TBC1D9: variants seen among roughly 807,000 people sequenced by gnomAD.
The protein encoded by TBC1D9 is TBC1 domain family member 9, also known as TBC1 domain family member 9A.
A neutral mutation model predicts 132.0 loss-of-function variants in TBC1D9; 63 were observed. The ratio of observed to expected loss-of-function variants is 0.48; its 90% CI spans 0.39 to 0.59. TBC1D9 has a LOEUF of 0.59. Ranked by LOEUF, TBC1D9 falls within the 20% of genes least tolerant of loss-of-function variation. The probability of loss-of-function intolerance (pLI) is 0.00; values close to 1 mark genes in which losing one functional copy is unlikely to be tolerated. For synonymous variants in TBC1D9, 610 were observed against 609.9 expected (o/e 1.00, Z 0.00); for missense variants, 1,261 against 1,592.7 (o/e 0.79, Z 3.54).
chr4:140,664,705 CA>C (rs35410874), intron 9 of TBC1D9, among the ~76,000 whole-genome samples: 2,281 of 152,220 alleles, frequency 0.015, 55 homozygotes, highest in African/African-American at 0.052. Flanking sequence ...GGTGCTAAGA[CA>C]ATTCACTGGG....
intron 13 of TBC1D9, chr4:140,643,475 G>T: frequency 1.1e-6 from 1 of 891,884 alleles, no homozygotes. Context: ...AGCAGGTGCT[G>T]CCGGGCACAG....
chr4:140,680,679 C>A (rs1224412989), intron 3 of TBC1D9, among the ~76,000 whole-genome samples: 1 of 152,090 alleles, frequency 6.6e-6, no homozygotes, highest in Non-Finnish European at 1.5e-5. Context: ...GTCTTAGATT[C>A]GTGCTCCCAC....
At chr4:140,689,168 G>T (rs1202736914) in intron 2 of TBC1D9, among the ~76,000 whole-genome samples, 1 of 152,138 alleles carries the variant, frequency 6.6e-6, no homozygotes, top group Non-Finnish European at 1.5e-5. Flanking sequence ...ATTGATCACA[G>T]ATATGCCTTG....
intron 15 of TBC1D9, among the ~76,000 whole-genome samples, chr4:140,635,172 G>A (rs983843337): frequency 6.6e-6 from 1 of 151,864 alleles, no homozygotes; most frequent in Non-Finnish European, 1.5e-5. Flanking sequence ...GAATAAATAT[G>A]GTAATAGAAA....
In TBC1D9 at chr4:140,692,015, G is replaced by A. The variant is rs181723552; in HGVS notation, c.242-5553C>T. 3.9e-5 allele frequency among the ~76,000 whole-genome samples: 6 copies of A among 152,274 alleles called. No individual in the cohort carries two copies. The East Asian group carries it at 1.2e-3, about 29-fold the overall frequency. Reference sequence around the variant, plus strand: ...GGCAGATATTTCTTTTGTGATGCATGATTCATAATAAATTTTTTTCTTCCT... The same window carrying A: ...GGCAGATATTTCTTTTGTGATGCATAATTCATAATAAATTTTTTTCTTCCT... On this transcript the variant is annotated intron_variant, in intron 2 of 20. Transcript: ENST00000442267.
At chr4:140,630,135 T>C (rs1736769345) in intron 16 of TBC1D9, among the ~76,000 whole-genome samples, 3 of 152,206 alleles carry the variant, frequency 2.0e-5, no homozygotes, top group Non-Finnish European at 4.4e-5. Context: ...CAATTATTTC[T>C]TTAAAAGTAG....
At chr4:140,740,018 G>C (rs573664872) in intron 1 of TBC1D9, among the ~76,000 whole-genome samples, 1 of 152,168 alleles carries the variant, frequency 6.6e-6, no homozygotes, top group Non-Finnish European at 1.5e-5. Context: ...GAGCTGAAAA[G>C]GTAGGAGTGG....
chr4:140,655,932 C>T lies in TBC1D9; in HGVS notation c.2337+1165G>A, dbSNP rs539473562. ...TCAGCCTCCCCATCCCTACTCTCAA[C>T]AGCCCCTACTTAATCTACAAAGAGT... On this transcript the variant is annotated intron_variant, in intron 13 of 20. Transcript: ENST00000442267. Among the ~76,000 whole-genome samples, 33 of 152,298 alleles carry T rather than the reference C, an allele frequency of 2.2e-4. No individual in the cohort carries two copies. In the South Asian group the frequency reaches 6.8e-3, roughly 32 times the overall value.
chr4:140,756,115 G>T lies in TBC1D9; in HGVS notation c.-70C>A. 1 of 1,408,592 alleles carries T rather than the reference G, an allele frequency of 7.1e-7. No homozygotes were observed. Among genetic ancestry groups the T allele is most frequent in the Non-Finnish European group, 9.5e-7 (1 of 1,051,130 alleles). 87.3% of individuals were successfully genotyped at this position (1,408,592 alleles called of 1,614,324 possible). On this transcript the variant is annotated 5_prime_UTR_variant, in exon 1 of 21. Coordinates refer to ENST00000442267, the MANE Select transcript of TBC1D9 (RefSeq NM_015130.3). The surrounding 1 kb of genome is among the most constrained non-coding windows in gnomAD (Gnocchi z 5.6). ...AGTCCTGCACCCACCACCGCGACAG[G>T]CGCGCACTCCTGGGCACACGCGCGC...
chr4:140,755,601 A>G (rs1258218423), intron 1 of TBC1D9, among the ~76,000 whole-genome samples: 7 of 152,100 alleles, frequency 4.6e-5, no homozygotes, highest in African/African-American at 1.7e-4. Context: ...GGGGGAGGGG[A>G]AGGGAATGAT....
At chr4:140,744,079 C>A (rs890106121) in intron 1 of TBC1D9, among the ~76,000 whole-genome samples, 1 of 152,072 alleles carries the variant, frequency 6.6e-6, no homozygotes, top group South Asian at 2.1e-4. Context: ...CAATGGAATT[C>A]TGTGAACAAA....
chr4:140,738,607 T>C (rs143729051), intron 1 of TBC1D9, among the ~76,000 whole-genome samples: 8 of 152,322 alleles, frequency 5.3e-5, no homozygotes, highest in Non-Finnish European at 7.4e-5. Context: ...AACCTCTAAA[T>C]TGAGATCTGT....
chr4:140,642,301 T>C, intron 13 of TBC1D9: 2 of 732,768 alleles, frequency 2.7e-6, no homozygotes, highest in Non-Finnish European at 4.8e-6. Flanking sequence ...TGGGCCGACT[T>C]GGGCTGGCCT....
At chr4:140,738,208 T>C (rs953523810) in intron 1 of TBC1D9, among the ~76,000 whole-genome samples, 1 of 152,226 alleles carries the variant, frequency 6.6e-6, no homozygotes, top group African/African-American at 2.4e-5. Context: ...TCAAACTCAC[T>C]ATGCTGAAAG....
Position 140,627,210 on chromosome 4 carries a change from C to T in TBC1D9, c.2899+231G>A, listed in dbSNP as rs143723823. On this transcript the variant is annotated intron_variant, in intron 18 of 20. Coordinates refer to ENST00000442267, the MANE Select transcript of TBC1D9 (RefSeq NM_015130.3). ...CAGCAAAGTATACAGCTCTATAGGA[C>T]ACAAGTTTCCTAACCTACTGGGAAA... Among the ~76,000 whole-genome samples, 545 of 152,322 alleles carry T rather than the reference C, an allele frequency of 3.6e-3. 6 individuals are homozygous for T. The highest frequency in any genetic ancestry group is 0.011 in the African/African-American group (465 of 41,578).
intron 1 of TBC1D9, among the ~76,000 whole-genome samples, chr4:140,733,772 A>T (rs888505089): frequency 4.6e-5 from 7 of 152,234 alleles, no homozygotes; most frequent in Admixed American, 1.3e-4. Context: ...GTGACATAAA[A>T]ATAATGCACT....
intron 1 of TBC1D9, among the ~76,000 whole-genome samples, chr4:140,731,105 G>A (rs908074617): frequency 6.6e-6 from 1 of 152,198 alleles, no homozygotes; most frequent in Non-Finnish European, 1.5e-5. Flanking sequence ...GTAGGCTGCA[G>A]AGGGTTTAAG....
At chr4:140,713,760 A>AC (rs67358002) in intron 1 of TBC1D9, among the ~76,000 whole-genome samples, 3 of 136,272 alleles carry the variant, frequency 2.2e-5, no homozygotes, top group African/African-American at 5.7e-5. Flanking sequence ...AAAAAAAAAA[A>AC]ACTATATTTT....
chr4:140,709,135 T>A (rs1445546156), intron 1 of TBC1D9, among the ~76,000 whole-genome samples: 1 of 151,936 alleles, frequency 6.6e-6, no homozygotes, highest in Non-Finnish European at 1.5e-5. Flanking sequence ...CAATAGCTGC[T>A]TCTCATAACC....
Sources: gnomAD v4.1 joint callset for allele counts (sites outside exome capture counted in the v4.1 genomes callset) on GRCh38, gnomAD v4.1.1 for gene constraint, Gnocchi (gnomAD v3.1) non-coding constraint, MANE v1.5 for transcripts, NCBI Gene and HGNC (gene_info 2026-07-23, HGNC 2026-07-21) for gene names.